DLGAP1: variants seen among roughly 807,000 people sequenced by gnomAD.
DLGAP1 encodes disks large-associated protein 1.
A neutral mutation model predicts 90.8 loss-of-function variants in DLGAP1; 11 were observed. The observed-to-expected ratio is 0.12, with a 90% CI of 0.08 to 0.20. The LOEUF is 0.20. Ranked by LOEUF, DLGAP1 falls within the 10% of genes least tolerant of loss-of-function variation. The probability of loss-of-function intolerance (pLI) is 1.00; values close to 1 mark genes in which losing one functional copy is unlikely to be tolerated. For synonymous variants in DLGAP1, 558 were observed against 540.7 expected (o/e 1.03, Z -0.44); for missense variants, 1,050 against 1,333.8 (o/e 0.79, Z 3.31).
intron 1 of DLGAP1, among the ~76,000 whole-genome samples, chr18:4,240,266 A>G (rs2078504214): frequency 6.6e-6 from 1 of 152,158 alleles, no homozygotes; most frequent in East Asian, 1.9e-4. Flanking sequence ...TATAGCCTTG[A>G]TAATGCATCT....
chr18:4,112,220 G>A (rs1338714360), intron 2 of DLGAP1, among the ~76,000 whole-genome samples: 1 of 151,840 alleles, frequency 6.6e-6, no homozygotes, highest in Non-Finnish European at 1.5e-5. Flanking sequence ...CCACATACTT[G>A]AGAATTTCCC....
At chr18:4,440,821 C>T (rs1434717123) in intron 1 of DLGAP1, among the ~76,000 whole-genome samples, 1 of 152,200 alleles carries the variant, frequency 6.6e-6, no homozygotes, top group African/African-American at 2.4e-5. Context: ...GGGATGCTTA[C>T]ATATTTAACG....
At chr18:3,624,365 C>G (rs1187897902) in intron 7 of DLGAP1, among the ~76,000 whole-genome samples, 1 of 152,206 alleles carries the variant, frequency 6.6e-6, no homozygotes, top group Non-Finnish European at 1.5e-5. Flanking sequence ...GGCCGCTGTC[C>G]CCTGACGGCA....
At chr18:3,919,969 T>C (rs541510346) in intron 3 of DLGAP1, among the ~76,000 whole-genome samples, 4 of 152,316 alleles carry the variant, frequency 2.6e-5, no homozygotes, top group African/African-American at 9.6e-5. Flanking sequence ...CCCAGATGGA[T>C]TTTCTGCAGG....
chr18:3,703,180 G>T (rs532900654), intron 7 of DLGAP1, among the ~76,000 whole-genome samples: 6 of 152,164 alleles, frequency 3.9e-5, no homozygotes, highest in Non-Finnish European at 8.8e-5. Context: ...CTTTGAAGTG[G>T]TGTCAAGATT....
chr18:4,194,496 C>T (rs1025379188), intron 1 of DLGAP1, among the ~76,000 whole-genome samples: 2 of 152,116 alleles, frequency 1.3e-5, no homozygotes, highest in African/African-American at 4.8e-5. Context: ...TCAGAACTTA[C>T]ATCAATAAAG....
intron 4 of DLGAP1, among the ~76,000 whole-genome samples, chr18:3,829,065 G>A (rs2067889429): frequency 6.6e-6 from 1 of 152,214 alleles, no homozygotes; most frequent in African/African-American, 2.4e-5. Context: ...TACTTAGGTA[G>A]TTTTTCACTT....
intron 3 of DLGAP1, among the ~76,000 whole-genome samples, chr18:3,992,717 C>A (rs912945212): frequency 2.6e-5 from 4 of 152,146 alleles, no homozygotes; most frequent in African/African-American, 4.8e-5. Flanking sequence ...TTGTTAGCAA[C>A]TTACACAACC....
intron 3 of DLGAP1, among the ~76,000 whole-genome samples, chr18:3,939,683 G>A (rs2072727873): frequency 1.3e-5 from 2 of 152,056 alleles, no homozygotes; most frequent in Admixed American, 1.3e-4. Context: ...ATGTTTAGTG[G>A]AGGCTGGGAG....
chr18:4,034,810 G>T (rs1479714241), intron 2 of DLGAP1, among the ~76,000 whole-genome samples: 2 of 151,854 alleles, frequency 1.3e-5, no homozygotes, highest in African/African-American at 4.8e-5. Context: ...TATTACAAGT[G>T]TAATGAATTT....
intron 7 of DLGAP1, among the ~76,000 whole-genome samples, chr18:3,648,324 C>G (rs79764502): frequency 1.7e-4 from 26 of 152,206 alleles, no homozygotes; most frequent in African/African-American, 6.3e-4. Context: ...TCAACAAAAC[C>G]GTTGTATATA....
At chr18:3,858,699 T>C (rs2069833388) in intron 4 of DLGAP1, among the ~76,000 whole-genome samples, 2 of 152,076 alleles carry the variant, frequency 1.3e-5, no homozygotes, top group African/African-American at 4.8e-5. Context: ...GCAGCAAATA[T>C]GTTACTCATA....
At chr18:4,409,326 A>T (rs2082728256) in intron 1 of DLGAP1, among the ~76,000 whole-genome samples, 1 of 152,004 alleles carries the variant, frequency 6.6e-6, no homozygotes, top group African/African-American at 2.4e-5. Flanking sequence ...TTCCAAGTAG[A>T]TTAAAATATT....
At position 3,987,543 on chromosome 18, in the gene DLGAP1, C is replaced by G. The variant is rs1161577967; in HGVS notation, c.-73+17573G>C. Among the ~76,000 whole-genome samples, 6 of 152,302 alleles carry G rather than the reference C, an allele frequency of 3.9e-5. 1 individual carries two copies. In the South Asian group the frequency reaches 6.2e-4, roughly 16 times the overall value. ...GTTCCAAGTGCTTTGCGTATTCGAA[C>G]TCACTTCACCCACAGAACTATGCCT... On this transcript the variant is annotated intron_variant, in intron 3 of 12. Coordinates refer to ENST00000315677, the MANE Select transcript of DLGAP1 (RefSeq NM_004746.4).
chr18:4,089,849 T>C (rs552305630), intron 2 of DLGAP1, among the ~76,000 whole-genome samples: 249 of 152,198 alleles, frequency 1.6e-3, no homozygotes, highest in Middle Eastern at 3.4e-3. Flanking sequence ...ATCGAGACCA[T>C]CCTGGCTAAC....
intron 1 of DLGAP1, among the ~76,000 whole-genome samples, chr18:4,348,669 C>G (rs1160409601): frequency 6.6e-6 from 1 of 151,898 alleles, no homozygotes; most frequent in Non-Finnish European, 1.5e-5. Context: ...AGAAATGGAG[C>G]AAGATGAGCC....
At chr18:3,834,937 G>C (rs2068283870) in intron 4 of DLGAP1, among the ~76,000 whole-genome samples, 1 of 152,190 alleles carries the variant, frequency 6.6e-6, no homozygotes, top group Admixed American at 6.5e-5. Context: ...CTAAGGAACA[G>C]GCTTTGACTG....
At position 3,499,136 on chromosome 18, in the gene DLGAP1, G is replaced by A; in HGVS notation, c.*49C>T. The A allele has an allele frequency of 6.8e-7, 1 of 1,463,206 alleles. No homozygotes were observed. Among genetic ancestry groups the A allele is most frequent in the African/African-American group, 1.5e-5 (1 of 68,100 alleles). 90.6% of individuals were successfully genotyped at this position (1,463,206 alleles called of 1,614,324 possible). A position where few individuals can be genotyped will look rare whatever the true frequency, so the allele number is the denominator to read the frequency against. ...GAGGCAGCCGGCAGAGGAGCGGCCG[G>A]GGGAGGAGGGGACAGATGCTTGGCG... On this transcript the variant is annotated 3_prime_UTR_variant, in exon 13 of 13. Coordinates refer to ENST00000315677, the MANE Select transcript of DLGAP1 (RefSeq NM_004746.4). The surrounding 1 kb of genome is among the most constrained non-coding windows in gnomAD (Gnocchi z 6.4).
At chr18:3,748,488 C>A (rs566000629) in intron 5 of DLGAP1, among the ~76,000 whole-genome samples, 4 of 152,168 alleles carry the variant, frequency 2.6e-5, no homozygotes, top group Non-Finnish European at 5.9e-5. Flanking sequence ...AGGTGATGGA[C>A]CATCTTATGG....
Sources: gnomAD v4.1 joint callset for allele counts (sites outside exome capture counted in the v4.1 genomes callset) on GRCh38, gnomAD v4.1.1 for gene constraint, Gnocchi (gnomAD v3.1) non-coding constraint, MANE v1.5 for transcripts, NCBI Gene and HGNC (gene_info 2026-07-23, HGNC 2026-07-21) for gene names.